ANK3: variants seen among roughly 807,000 people sequenced by gnomAD.
ANK3 encodes the protein ankyrin 3.
Under a neutral mutation model 370.9 loss-of-function variants are expected in ANK3, and 57 were observed. The observed-to-expected ratio is 0.15, with a 90% CI of 0.12 to 0.19. ANK3 has a LOEUF of 0.19. Among genes scored for constraint, ANK3 ranks in the 10% least tolerant of loss-of-function variants. ANK3 has a pLI of 1.00. For synonymous variants in ANK3, 1,929 were observed against 1,946.3 expected, an observed-to-expected ratio of 0.99 and a Z score of 0.23; for missense variants, 4,439 against 5,302.1, an observed-to-expected ratio of 0.84 and a Z score of 5.06.
chr10:60,064,203 G>A lies in ANK3; in HGVS notation c.12405C>T (p.Phe4135=). 1.3e-6 allele frequency: 2 copies of A among 1,576,132 alleles called. No individual in the cohort carries two copies. Among genetic ancestry groups the A allele is most frequent in the Non-Finnish European group, 1.7e-6 (2 of 1,169,318 alleles). Residue 4135 remains phenylalanine, a synonymous_variant, in exon 39 of 44, where the codon TTC becomes TTT. Transcript: ENST00000280772. ...TGGTAACCCATTTTTTTAATAACATGAAGCTCTGAGAAATTAAAGAATTTG... is the reference window on the plus strand; with the variant it reads ...TGGTAACCCATTTTTTTAATAACATAAAGCTCTGAGAAATTAAAGAATTTG... The part of the protein sequence containing the change: ...ENPNSLISQS[F]MLLKKWVTRD...
chr10:60,147,623 C>A (rs2094894967), intron 23 of ANK3, among the ~76,000 whole-genome samples: 1 of 152,126 alleles, frequency 6.6e-6, no homozygotes. Context: ...TTGGCACCAT[C>A]CCCCTGGTGC....
At chr10:60,541,587 C>A (rs1019664958) in intron 2 of ANK3, among the ~76,000 whole-genome samples, 5 of 151,786 alleles carry the variant, frequency 3.3e-5, no homozygotes, top group Non-Finnish European at 7.4e-5. Context: ...CTAAAAATAA[C>A]CCCCATACCA....
intron 28 of ANK3, among the ~76,000 whole-genome samples, chr10:60,102,962 T>A (rs1024133481): frequency 5.3e-5 from 8 of 152,130 alleles, no homozygotes; most frequent in African/African-American, 1.9e-4. Flanking sequence ...CAATTTATTT[T>A]TTTTTTTCTG....
intron 1 of ANK3, among the ~76,000 whole-genome samples, chr10:60,702,679 C>A (rs1391466908): frequency 6.6e-6 from 1 of 152,048 alleles, no homozygotes; most frequent in Non-Finnish European, 1.5e-5. Flanking sequence ...CTTATAGAAG[C>A]ATTTCGGCTA....
chr10:60,108,122 G>A (rs1311949981), intron 27 of ANK3: 40 of 382,636 alleles, frequency 1.0e-4, no homozygotes, highest in Non-Finnish European at 1.4e-4. Flanking sequence ...GGGTGTGACA[G>A]AAAAAAATTG....
At chr10:60,717,324 C>A (rs999871052) in intron 1 of ANK3, among the ~76,000 whole-genome samples, 1 of 152,162 alleles carries the variant, frequency 6.6e-6, no homozygotes, top group Non-Finnish European at 1.5e-5. Flanking sequence ...CATTCCACTT[C>A]TGGTAACTTA....
At chr10:60,468,289 A>T (rs929387113) in intron 2 of ANK3, among the ~76,000 whole-genome samples, 1 of 152,032 alleles carries the variant, frequency 6.6e-6, no homozygotes, top group African/African-American at 2.4e-5. Context: ...CGGCCTAAAA[A>T]CTTTTCAAAA....
intron 8 of ANK3, among the ~76,000 whole-genome samples, chr10:60,232,264 A>C (rs1167519744): frequency 6.6e-6 from 1 of 152,190 alleles, no homozygotes; most frequent in Admixed American, 6.5e-5. Context: ...TCCATATGCC[A>C]ACTGAAATCT....
At chr10:60,490,385 C>G (rs1314852224) in intron 2 of ANK3, among the ~76,000 whole-genome samples, 1 of 152,204 alleles carries the variant, frequency 6.6e-6, no homozygotes, top group African/African-American at 2.4e-5. Flanking sequence ...TTGACGACCA[C>G]TGCTCCGCAC....
rs546802837 is a variant in ANK3 at position 60,661,903 on chromosome 10, C to T, written c.58-46679G>A. Among the ~76,000 whole-genome samples, 5 of 152,242 alleles carry T rather than the reference C, an allele frequency of 3.3e-5. No individual in the cohort carries two copies. The South Asian group carries it at 6.2e-4, about 19-fold the overall frequency. ...GAGCTGACTCAAACACTAGTATGCA[C>T]TTTCATCCCCCAAACAAAGCCAGAC... is the stretch of plus-strand genomic sequence containing the variant. On this transcript the variant is annotated intron_variant, in intron 1 of 43. Coordinates refer to the ANK3 transcript ENST00000373827.
chr10:60,546,449 C>T (rs1567135184), intron 2 of ANK3, among the ~76,000 whole-genome samples: 3 of 152,164 alleles, frequency 2.0e-5, no homozygotes, highest in South Asian at 2.1e-4. Flanking sequence ...ATTGAATTTA[C>T]AGCTTATCAC....
chr10:60,090,953 C>T lies in ANK3; in HGVS notation c.3329-2595G>A, dbSNP rs181014577. Among the ~76,000 whole-genome samples, 5 of 152,230 alleles carry T rather than the reference C, an allele frequency of 3.3e-5. No individual in the cohort carries two copies. In the South Asian group the frequency reaches 6.2e-4, roughly 19 times the overall value. ...GAGACAGATCTCGCCGTGTCGCCCA[C>T]GAGTGCAATGGCACGATCTCGGCTC... is the stretch of plus-strand genomic sequence containing the variant. On this transcript the variant is annotated intron_variant, in intron 28 of 43. Transcript: ENST00000280772.
chr10:60,090,384 T>C (rs952250203), intron 28 of ANK3, among the ~76,000 whole-genome samples: 1 of 152,134 alleles, frequency 6.6e-6, no homozygotes, highest in African/African-American at 2.4e-5. Flanking sequence ...TAGGGGAAAC[T>C]TTCCTATACA....
intron 1 of ANK3, among the ~76,000 whole-genome samples, chr10:60,654,729 G>A (rs1001078393): frequency 6.7e-6 from 1 of 149,964 alleles, no homozygotes; most frequent in African/African-American, 2.4e-5. Context: ...GTTCATACAA[G>A]ATATTGATTT....
chr10:60,291,877 T>C (rs2041483856), intron 1 of ANK3, among the ~76,000 whole-genome samples: 2 of 152,126 alleles, frequency 1.3e-5, no homozygotes, highest in Admixed American at 1.3e-4. Flanking sequence ...CACGCCTGAC[T>C]AATTTTTGTA....
chr10:60,432,597 C>T (rs1424797574), intron 2 of ANK3, among the ~76,000 whole-genome samples: 2 of 152,092 alleles, frequency 1.3e-5, no homozygotes, highest in African/African-American at 2.4e-5. Flanking sequence ...ATGTCAGCTC[C>T]CTTCTTAAAT....
chr10:60,294,287 A>G (rs768527443), intron 1 of ANK3, among the ~76,000 whole-genome samples: 2 of 152,204 alleles, frequency 1.3e-5, no homozygotes, highest in Non-Finnish European at 1.5e-5. Flanking sequence ...AGGAAATTAC[A>G]ATACAGTGGA....
At chr10:60,316,787 A>G (rs1001484504) in intron 1 of ANK3, among the ~76,000 whole-genome samples, 8 of 151,870 alleles carry the variant, frequency 5.3e-5, no homozygotes, top group African/African-American at 1.7e-4. Context: ...TTGCTCTGTC[A>G]CCCAGGCTGG....
intron 42 of ANK3, among the ~76,000 whole-genome samples, chr10:60,047,958 A>G (rs1456003049): frequency 1.3e-5 from 2 of 152,186 alleles, no homozygotes; most frequent in African/African-American, 4.8e-5. Flanking sequence ...GACTTGACTC[A>G]TTCTATAGGA....
Sources: gnomAD v4.1 joint callset for allele counts (sites outside exome capture counted in the v4.1 genomes callset) on GRCh38, gnomAD v4.1.1 for gene constraint, MANE v1.5 for transcripts, NCBI Gene and HGNC (gene_info 2026-07-23, HGNC 2026-07-21) for gene names.